The following FAM193A variants were observed in gnomAD, a reference collection of about 807,000 sequenced individuals.
The protein encoded by FAM193A is family with sequence similarity 193 member A, also known as protein FAM193A.
FAM193A carries 22 observed loss-of-function variants against 126.5 expected under a neutral mutation model. The ratio of observed to expected loss-of-function variants is 0.17; its 90% CI spans 0.12 to 0.25. The LOEUF (loss-of-function observed/expected upper bound fraction) is 0.25. Ranked by LOEUF, FAM193A falls within the 10% of genes least tolerant of loss-of-function variation. The pLI is 1.00. For synonymous variants in FAM193A, 761 were observed against 646.8 expected, an observed-to-expected ratio of 1.18 and a Z score of -2.68; for missense variants, 1,675 against 1,672.8, an observed-to-expected ratio of 1.00 and a Z score of -0.02.
In FAM193A at chr4:2,650,561, A is replaced by C. The variant is rs530775455; in HGVS notation, c.1311+3729A>C. ...CAGAGATGGGAGCTCAGGGCTCTGA[A>C]GCCCAGGGAGAGGCTGCTGTGCAGG... On this transcript the variant is annotated intron_variant, in intron 7 of 20. Transcript: ENST00000637812. Among the ~76,000 whole-genome samples, 15 of 152,286 alleles carry C rather than the reference A, an allele frequency of 9.8e-5. No individual in the cohort carries two copies. The South Asian group carries it at 1.7e-3, about 17-fold the overall frequency.
At chr4:2,701,559 T>G (rs554242561) in intron 19 of FAM193A, among the ~76,000 whole-genome samples, 41 of 152,256 alleles carry the variant, frequency 2.7e-4, no homozygotes, top group African/African-American at 9.1e-4. Context: ...AGGAAGTGGG[T>G]GACGGTGTCT....
chr4:2,641,884 G>A (rs1303380790), intron 6 of FAM193A, among the ~76,000 whole-genome samples: 1 of 151,930 alleles, frequency 6.6e-6, no homozygotes, highest in African/African-American at 2.4e-5. Context: ...CAGGAGGATT[G>A]CTTAAGCCTA....
At chr4:2,674,145 T>G (rs1297800607) in intron 13 of FAM193A, among the ~76,000 whole-genome samples, 1 of 152,226 alleles carries the variant, frequency 6.6e-6, no homozygotes, top group Non-Finnish European at 1.5e-5. Context: ...TGGCCATTAT[T>G]ATGTGGAAAC....
chr4:2,551,458 T>C (rs1444073892), intron 1 of FAM193A, among the ~76,000 whole-genome samples: 1 of 152,366 alleles, frequency 6.6e-6, no homozygotes, highest in East Asian at 1.9e-4. Flanking sequence ...GTAGTATTAA[T>C]GCTGGCTTCA....
chr4:2,700,566 G>C, intron 19 of FAM193A, 22 bp downstream of exon 19: 1 of 1,592,000 alleles, frequency 6.3e-7, no homozygotes, highest in Non-Finnish European at 8.5e-7. Flanking sequence ...ATAGCGGGAA[G>C]GTATTTCTGA....
At chr4:2,717,595 C>T (rs1168414204) in intron 20 of FAM193A, among the ~76,000 whole-genome samples, 1 of 99,836 alleles carries the variant, frequency 1.0e-5, no homozygotes, top group East Asian at 3.3e-4. Flanking sequence ...GACTTTGTCT[C>T]AGGAAAAAAA....
rs10012203 is a variant in FAM193A at position 2,574,169 on chromosome 4, A to G, written c.256-21915A>G. 4.2e-3 allele frequency among the ~76,000 whole-genome samples: 631 copies of G among 151,800 alleles called. 5 individuals are homozygous for G. Among genetic ancestry groups the G allele is most frequent in the African/African-American group, 0.015 (609 of 41,370 alleles). On this transcript the variant is annotated intron_variant, in intron 1 of 20. Transcript: ENST00000637812. ...GCTGGAGCAGGAAGACCAGTTAGAG[A>G]TGTGGTGTCAGTGTGGGGTGTCTGA...
At chr4:2,635,394 CTG>C (rs747432857) in intron 5 of FAM193A, among the ~76,000 whole-genome samples, 9 of 152,032 alleles carry the variant, frequency 5.9e-5, no homozygotes, top group Non-Finnish European at 1.3e-4. Context: ...GAAATTCAAA[CTG>C]AGAAAATTTT....
In FAM193A at chr4:2,566,624, G is replaced by C. The variant is rs1738969402; in HGVS notation, c.255+29454G>C. ...GAATCACTTGAACCTGGGAGGCGAGGTTGCAGTGAGCCAAGATCACACCAC... is the reference window on the plus strand; with the variant it reads ...GAATCACTTGAACCTGGGAGGCGAGCTTGCAGTGAGCCAAGATCACACCAC... On this transcript the variant is annotated intron_variant, in intron 1 of 20. Coordinates refer to ENST00000637812, the MANE Select transcript of FAM193A (RefSeq NM_001366318.2). Among the ~76,000 whole-genome samples, 3 of 151,982 alleles carry C rather than the reference G, an allele frequency of 2.0e-5. 1 individual carries two copies. In the South Asian group the frequency reaches 6.2e-4, roughly 32 times the overall value.
In FAM193A at chr4:2,630,992, G is replaced by C. The variant is rs754763360; in HGVS notation, c.861G>C (p.Glu287Asp). Residue 287 changes from glutamate to aspartate, a missense_variant, in exon 5 of 21, where the codon GAG becomes GAC. Physicochemically the swap from Glu to Asp is conservative, Grantham distance 45. Transcript: ENST00000637812. ...LYQRLEQQAREYVLEMKVRLL... is the reference protein window; with the variant it reads ...LYQRLEQQARDYVLEMKVRLL... The stretch of plus-strand genomic sequence containing the variant: ...AGCGTCTGGAACAGCAAGCTCGAGA[G>C]TATGTGCTGGAGATGAAGGTCCGCC... 2.6e-5 allele frequency: 42 copies of C among 1,613,408 alleles called. No homozygotes were observed. Among genetic ancestry groups the C allele is most frequent in the Non-Finnish European group, 3.4e-5 (40 of 1,180,004 alleles).
intron 2 of FAM193A, among the ~76,000 whole-genome samples, chr4:2,601,247 T>TC (rs36070463): frequency 4.8e-5 from 7 of 145,216 alleles, no homozygotes; most frequent in Middle Eastern, 3.5e-3. Context: ...TTTTTTTTTT[T>TC]CCTGAGATGG....
intron 13 of FAM193A, among the ~76,000 whole-genome samples, chr4:2,687,831 G>A (rs575756880): frequency 1.3e-5 from 2 of 152,192 alleles, no homozygotes; most frequent in South Asian, 4.1e-4. Context: ...GTGGTACAAA[G>A]TTGTCTTTGG....
At chr4:2,655,982 T>A (rs1438002217) in intron 7 of FAM193A, among the ~76,000 whole-genome samples, 3 of 152,180 alleles carry the variant, frequency 2.0e-5, no homozygotes, top group Non-Finnish European at 4.4e-5. Flanking sequence ...GGTGGGGGTC[T>A]TGCCTTGTTA....
chr4:2,651,164 C>G (rs1577138954), intron 7 of FAM193A, among the ~76,000 whole-genome samples: 2 of 152,174 alleles, frequency 1.3e-5, no homozygotes, highest in African/African-American at 4.8e-5. Context: ...AACCCCGTCT[C>G]TACTAAAAAT....
chr4:2,688,716 G>A (rs1716029409), intron 13 of FAM193A, among the ~76,000 whole-genome samples: 1 of 152,258 alleles, frequency 6.6e-6, no homozygotes, highest in Admixed American at 6.5e-5. Context: ...AAGAGTTCGT[G>A]GTGCAAATGT....
intron 4 of FAM193A, among the ~76,000 whole-genome samples, chr4:2,630,659 C>T (rs1743470608): frequency 6.6e-6 from 1 of 152,362 alleles, no homozygotes; most frequent in Non-Finnish European, 1.5e-5. Context: ...ACTGAACCCA[C>T]ACACAGCGAA....
At chr4:2,617,966 C>T (rs1178778723) in intron 2 of FAM193A, among the ~76,000 whole-genome samples, 2 of 152,146 alleles carry the variant, frequency 1.3e-5, no homozygotes, top group Non-Finnish European at 2.9e-5. Flanking sequence ...CTGCCTTTAA[C>T]ATTTCCTGTA....
chr4:2,590,277 C>T (rs564691809), intron 1 of FAM193A, among the ~76,000 whole-genome samples: 1 of 151,364 alleles, frequency 6.6e-6, no homozygotes, highest in Non-Finnish European at 1.5e-5. Context: ...CGAGACCATC[C>T]TGGCCAACGT....
At chr4:2,725,031 C>T (rs961240768) in intron 20 of FAM193A, among the ~76,000 whole-genome samples, 4 of 151,962 alleles carry the variant, frequency 2.6e-5, no homozygotes, top group Non-Finnish European at 5.9e-5. Flanking sequence ...CACCCACCAC[C>T]ATGCCCAGCT....
Sources: allele counts gnomAD v4.1 joint callset (sites outside exome capture counted in the v4.1 genomes callset), GRCh38; gene constraint gnomAD v4.1.1; transcripts MANE v1.5; gene names NCBI Gene and HGNC (gene_info 2026-07-23, HGNC 2026-07-21).